PRUNE2: variants seen among roughly 807,000 people sequenced by gnomAD.
The protein encoded by PRUNE2 is protein prune homolog 2.
In PRUNE2, 164 loss-of-function variants were observed where a neutral mutation model predicts 252.0. The ratio of observed to expected loss-of-function variants is 0.65; its 90% CI spans 0.57 to 0.74. PRUNE2 has a LOEUF of 0.74. PRUNE2 is among the 30% of genes least tolerant of loss of function. The probability of loss-of-function intolerance (pLI) is 0.00; values close to 1 mark genes in which losing one functional copy is unlikely to be tolerated. For synonymous variants in PRUNE2, 1,292 were observed against 1,350.2 expected (o/e 0.96, Z 0.94); for missense variants, 3,495 against 3,711.0 (o/e 0.94, Z 1.51).
chr9:76,886,492 C>T (rs1300797697), intron 1 of PRUNE2, among the ~76,000 whole-genome samples: 2 of 152,194 alleles, frequency 1.3e-5, no homozygotes, highest in African/African-American at 4.8e-5. Context: ...TAGCTTTACC[C>T]ATTTCTACCA....
At chr9:76,769,498 TCG>T (rs2052842220) in intron 6 of PRUNE2, among the ~76,000 whole-genome samples, 1 of 42,700 alleles carries the variant, frequency 2.3e-5, no homozygotes, top group Non-Finnish European at 4.7e-5. Flanking sequence ...TCTCGGCTCG[TCG>T]TCGCAACCTC....
At chr9:76,781,434 A>G (rs2054380830) in intron 6 of PRUNE2, among the ~76,000 whole-genome samples, 1 of 152,204 alleles carries the variant, frequency 6.6e-6, no homozygotes. Context: ...TTCCCACTTC[A>G]GAGCCTTTGC....
At chr9:76,693,871 A>G (rs1236028651) in intron 9 of PRUNE2, among the ~76,000 whole-genome samples, 1 of 152,198 alleles carries the variant, frequency 6.6e-6, no homozygotes, top group African/African-American at 2.4e-5. Flanking sequence ...CTCACGTGCC[A>G]TGTATCTTTC....
At chr9:76,771,699 A>T (rs1269019416) in intron 6 of PRUNE2, among the ~76,000 whole-genome samples, 1 of 152,216 alleles carries the variant, frequency 6.6e-6, no homozygotes, top group African/African-American at 2.4e-5. Context: ...AGAAAACAGG[A>T]AAAACCAAAC....
intron 1 of PRUNE2, among the ~76,000 whole-genome samples, chr9:76,879,039 G>A (rs926690273): frequency 2.0e-5 from 3 of 152,162 alleles, no homozygotes; most frequent in Non-Finnish European, 4.4e-5. Flanking sequence ...TGAAAAGTGA[G>A]TCAGGAAGCC....
At chr9:76,640,347 T>C (rs1171335918) in intron 12 of PRUNE2, among the ~76,000 whole-genome samples, 1 of 152,182 alleles carries the variant, frequency 6.6e-6, no homozygotes, top group Non-Finnish European at 1.5e-5. Flanking sequence ...CAAAAAAATA[T>C]GGGGGAAGAG....
Position 76,706,654 on chromosome 9 carries a change from C to T in PRUNE2, c.5620G>A (p.Gly1874Ser). 3 of 1,613,828 alleles carry T rather than the reference C, an allele frequency of 1.9e-6. No homozygotes were observed. The highest frequency in any genetic ancestry group is 1.7e-6 in the Non-Finnish European group (2 of 1,179,842). The change falls in exon 8 of 19, where the codon GGT becomes AGT. Residue 1874 changes from glycine (G) to serine (S), a missense_variant. Transcript: ENST00000376718. ...TGTGTTTCCACGGGCTCAATATCACCCTGAACTGGTACTCCCCAGGGACTG... is the reference window on the plus strand; with the variant it reads ...TGTGTTTCCACGGGCTCAATATCACTCTGAACTGGTACTCCCCAGGGACTG... The part of the protein sequence containing the change: ...NASPWGVPVQ[G>S]DIEPVETHYT...
intron 6 of PRUNE2, among the ~76,000 whole-genome samples, chr9:76,772,218 G>T (rs1228843983): frequency 1.3e-5 from 2 of 152,156 alleles, no homozygotes; most frequent in Non-Finnish European, 2.9e-5. Context: ...GAAGACACCA[G>T]TGCCCACTAC....
At chr9:76,858,649 C>T (rs534097667) in intron 1 of PRUNE2, among the ~76,000 whole-genome samples, 53 of 151,554 alleles carry the variant, frequency 3.5e-4, no homozygotes, top group African/African-American at 1.3e-3. Context: ...AGGAGAAATA[C>T]CTAATGTAGA....
At chr9:76,888,333 C>A (rs997673683) in intron 1 of PRUNE2, among the ~76,000 whole-genome samples, 2 of 152,076 alleles carry the variant, frequency 1.3e-5, no homozygotes, top group African/African-American at 4.8e-5. Context: ...AATCCCAGCA[C>A]CTTGGGAGGC....
At chr9:76,692,184 T>A in intron 9 of PRUNE2, 1 of 717,280 alleles carries the variant, frequency 1.4e-6, no homozygotes. Context: ...TTCGCCTCCA[T>A]TTTCTGGTCA....
At chr9:76,803,937 A>T (rs1183266999) in intron 6 of PRUNE2, among the ~76,000 whole-genome samples, 2 of 152,046 alleles carry the variant, frequency 1.3e-5, no homozygotes, top group Non-Finnish European at 2.9e-5. Flanking sequence ...AGACAACTGG[A>T]ATGCATTTCT....
chr9:76,849,633 C>T (rs910765001), intron 3 of PRUNE2, among the ~76,000 whole-genome samples: 2 of 152,068 alleles, frequency 1.3e-5, no homozygotes, highest in African/African-American at 4.8e-5. Context: ...CAAGACCAGC[C>T]TGGCCAACAT....
At chr9:76,869,469 C>A (rs1308459789) in intron 1 of PRUNE2, among the ~76,000 whole-genome samples, 1 of 152,204 alleles carries the variant, frequency 6.6e-6, no homozygotes, top group Non-Finnish European at 1.5e-5. Flanking sequence ...CTCTTTCTCT[C>A]TCTCTCTCTT....
At chr9:76,663,664 G>A (rs1299840645) in intron 9 of PRUNE2, among the ~76,000 whole-genome samples, 4 of 152,084 alleles carry the variant, frequency 2.6e-5, no homozygotes, top group Admixed American at 1.3e-4. Flanking sequence ...TTTGAGGAAC[G>A]CTGAGCAGGA....
At chr9:76,876,238 T>G (rs1479337029) in intron 1 of PRUNE2, among the ~76,000 whole-genome samples, 1 of 152,168 alleles carries the variant, frequency 6.6e-6, no homozygotes, top group East Asian at 1.9e-4. Context: ...GAACTCAAAA[T>G]TTCTCTGGAT....
chr9:76,647,557 A>C (rs1845458706), intron 11 of PRUNE2, among the ~76,000 whole-genome samples: 2 of 152,220 alleles, frequency 1.3e-5, no homozygotes, highest in Non-Finnish European at 2.9e-5. Flanking sequence ...ACTATATAAA[A>C]GACAAAAATC....
chr9:76,819,194 G>A (rs1274530317), intron 6 of PRUNE2: 1 of 152,196 alleles, frequency 6.6e-6, no homozygotes, highest in Non-Finnish European at 1.5e-5. Context: ...AAGTTGCAGT[G>A]AGCCTTGACT....
At position 76,889,159 on chromosome 9, in the gene PRUNE2, C is replaced by T. The variant is rs142163621; in HGVS notation, c.36+16769G>A. Among the ~76,000 whole-genome samples, 38 of 152,040 alleles carry T rather than the reference C, an allele frequency of 2.5e-4. No individual in the cohort carries two copies. In the South Asian group the frequency reaches 2.9e-3, roughly 12 times the overall value. Reference sequence around the variant, plus strand: ...ACCCCACCGTGCCCGGTCGTTTTAACGTATTTATGGTCCTTCCTTGCTGCC... The same window carrying T: ...ACCCCACCGTGCCCGGTCGTTTTAATGTATTTATGGTCCTTCCTTGCTGCC... On this transcript the variant is annotated intron_variant, in intron 1 of 18. Coordinates refer to ENST00000376718, the MANE Select transcript of PRUNE2 (RefSeq NM_015225.3).
Sources: allele counts gnomAD v4.1 joint callset (sites outside exome capture counted in the v4.1 genomes callset), GRCh38; gene constraint gnomAD v4.1.1; transcripts MANE v1.5; gene names NCBI Gene and HGNC (gene_info 2026-07-23, HGNC 2026-07-21).